The following WNT7A variants were observed in gnomAD, a reference collection of about 807,000 sequenced individuals.
WNT7A encodes Wnt family member 7A, also known as protein Wnt-7a.
A neutral mutation model predicts 28.2 loss-of-function variants in WNT7A; 16 were observed. The ratio of observed to expected loss-of-function variants is 0.57; its 90% CI spans 0.38 to 0.86. The LOEUF (loss-of-function observed/expected upper bound fraction) is 0.86, where lower values mean the gene tolerates loss of function less well. Ranked by LOEUF, WNT7A falls within the 40% of genes least tolerant of loss-of-function variation. The pLI is 0.00. For missense variants in WNT7A, 411 were observed against 489.7 expected, an observed-to-expected ratio of 0.84 and a Z score of 1.52; for synonymous variants, 190 against 195.9, an observed-to-expected ratio of 0.97 and a Z score of 0.25.
At position 13,837,598 on chromosome 3, in the gene WNT7A, C is replaced by A. The variant is rs140984408; in HGVS notation, c.570+16934G>T. The stretch of plus-strand genomic sequence containing the variant: ...CACCTTTGCTCAGGAGTCTAGATAG[C>A]CATTCTTTCATGGTGGGTTATTGTA... On this transcript the variant is annotated intron_variant, in intron 3 of 3. Coordinates refer to ENST00000285018, the MANE Select transcript of WNT7A (RefSeq NM_004625.4). Among the ~76,000 whole-genome samples, 26 of 152,196 alleles carry A rather than the reference C, an allele frequency of 1.7e-4. No individual in the cohort carries two copies. In the East Asian group the frequency reaches 4.8e-3, roughly 28 times the overall value.
At chr3:13,839,255 C>T (rs1694419607) in intron 3 of WNT7A, among the ~76,000 whole-genome samples, 2 of 152,178 alleles carry the variant, frequency 1.3e-5, no homozygotes, top group Admixed American at 1.3e-4. Flanking sequence ...AGGCCCTGCC[C>T]CAGACCCACA....
chr3:13,868,584 G>GAAAGAAAGAA (rs1442491237), intron 2 of WNT7A, among the ~76,000 whole-genome samples: 1 of 17,962 alleles, frequency 5.6e-5, no homozygotes, highest in African/African-American at 3.1e-4. Flanking sequence ...GAGAGAGAGA[G>GAAAGAAAGAA]AGAGAGGGAG....
chr3:13,846,212 T>C (rs79900044), intron 3 of WNT7A, among the ~76,000 whole-genome samples: 3,713 of 152,292 alleles, frequency 0.024, 158 homozygotes, highest in African/African-American at 0.084. Flanking sequence ...AATGACCACA[T>C]AGTGGGGCCT....
At chr3:13,820,208 C>T (rs575556992) in intron 3 of WNT7A, among the ~76,000 whole-genome samples, 1 of 152,288 alleles carries the variant, frequency 6.6e-6, no homozygotes, top group East Asian at 1.9e-4. Context: ...GTTGCTGGTT[C>T]ACCATGTGTG....
chr3:13,857,680 C>A (rs1420058215), intron 2 of WNT7A, among the ~76,000 whole-genome samples: 2 of 152,110 alleles, frequency 1.3e-5, no homozygotes, highest in Non-Finnish European at 2.9e-5. Context: ...CAACCCCAGG[C>A]ACCAGCTCAC....
At chr3:13,876,640 C>T (rs1395488426) in intron 1 of WNT7A, among the ~76,000 whole-genome samples, 3 of 152,076 alleles carry the variant, frequency 2.0e-5, no homozygotes, top group Non-Finnish European at 4.4e-5. Flanking sequence ...TGACATGGAC[C>T]CATGCCCTCC....
At chr3:13,839,349 G>C (rs375237975) in intron 3 of WNT7A, among the ~76,000 whole-genome samples, 23 of 152,376 alleles carry the variant, frequency 1.5e-4, no homozygotes, top group African/African-American at 4.6e-4. Flanking sequence ...GGGTCTCAGA[G>C]GGGAGCCCAG....
chr3:13,827,789 G>A (rs888308200), intron 3 of WNT7A, among the ~76,000 whole-genome samples: 1 of 152,138 alleles, frequency 6.6e-6, no homozygotes, highest in East Asian at 1.9e-4. Flanking sequence ...GCTTCCCAGC[G>A]TTGAACACAC....
intron 1 of WNT7A, among the ~76,000 whole-genome samples, chr3:13,878,897 G>A (rs2124882780): frequency 6.6e-6 from 1 of 152,214 alleles, no homozygotes; most frequent in East Asian, 1.9e-4. Flanking sequence ...GCAGCTCCAG[G>A]ACGCGTCCCG....
At chr3:13,848,061 A>AT (rs1195045650) in intron 3 of WNT7A, among the ~76,000 whole-genome samples, 1 of 139,950 alleles carries the variant, frequency 7.1e-6, no homozygotes. Context: ...AAATTAATGA[A>AT]TTTTTTAAAA....
intron 2 of WNT7A, among the ~76,000 whole-genome samples, chr3:13,873,991 T>C (rs557783883): frequency 2.4e-4 from 36 of 152,198 alleles, no homozygotes; most frequent in Non-Finnish European, 4.7e-4. Context: ...CTGATTTCCA[T>C]GTAAAAGGAT....
At chr3:13,851,004 TC>T (rs1694627905) in intron 3 of WNT7A, among the ~76,000 whole-genome samples, 1 of 151,856 alleles carries the variant, frequency 6.6e-6, no homozygotes, top group Admixed American at 6.6e-5. Context: ...CCTTTAACCC[TC>T]CCATCGGGCA....
In WNT7A at chr3:13,850,473, G is replaced by A. The variant is rs183634913; in HGVS notation, c.570+4059C>T. ...GGGCAGGGCAGGAAGGGACAAGACC[G>A]ACACCCCTCCGTGTGCAAGAGGCTG... On this transcript the variant is annotated intron_variant, in intron 3 of 3. Transcript: ENST00000285018. 2.0e-5 allele frequency among the ~76,000 whole-genome samples: 3 copies of A among 152,272 alleles called. No homozygotes were observed. The East Asian group carries it at 5.8e-4, about 29-fold the overall frequency.
rs1694023280 is a variant in WNT7A at position 13,817,438 on chromosome 3, ACACAC to A, written c.*1501_*1505del. On this transcript the variant is annotated 3_prime_UTR_variant, in exon 4 of 4. Transcript: ENST00000285018. ...GAAGATACAGTACACACACACACACACACACACACACACACACACACACACACACA... is the reference window on the plus strand; with the variant it reads ...GAAGATACAGTACACACACACACACAACACACACACACACACACACACACA... 1 of 85,222 alleles carries A rather than the reference ACACAC, an allele frequency of 1.2e-5. No homozygotes were observed. The highest frequency in any genetic ancestry group is 2.3e-5 in the Non-Finnish European group (1 of 44,130). The allele number at this position is 85,222 out of a possible 1,614,324, so 5.3% of individuals were successfully genotyped here. A position where few individuals can be genotyped will look rare whatever the true frequency, so the allele number is the denominator to read the frequency against.
At chr3:13,865,805 T>C (rs1694902057) in intron 2 of WNT7A, among the ~76,000 whole-genome samples, 1 of 152,114 alleles carries the variant, frequency 6.6e-6, no homozygotes, top group Admixed American at 6.5e-5. Flanking sequence ...CCAGGACACA[T>C]GCTGGCGGTC....
At chr3:13,868,871 AGAGGGAGAGAAGGAAG>A (rs1297062954) in intron 2 of WNT7A, among the ~76,000 whole-genome samples, 8 of 145,960 alleles carry the variant, frequency 5.5e-5, no homozygotes, top group African/African-American at 7.7e-5. Flanking sequence ...AGAAAGAGAC[AGAGGGAGAGAAGGAAG>A]GAGGGAGGGA....
intron 3 of WNT7A, among the ~76,000 whole-genome samples, chr3:13,822,418 A>G (rs1009890075): frequency 6.6e-6 from 1 of 152,242 alleles, no homozygotes; most frequent in Non-Finnish European, 1.5e-5. Flanking sequence ...ACGCTACAAC[A>G]TGGATGAGCC....
chr3:13,823,428 G>A (rs953345092), intron 3 of WNT7A, among the ~76,000 whole-genome samples: 5 of 152,166 alleles, frequency 3.3e-5, no homozygotes, highest in Non-Finnish European at 7.3e-5. Flanking sequence ...CACTCCACAA[G>A]CAGTATGCCC....
At position 13,874,988 on chromosome 3, in the gene WNT7A, G is replaced by A; in HGVS notation, c.257C>T (p.Ala86Val). ...QFRNGRWNCS[A>V]LGERTVFGKE... is the part of the protein sequence containing the mutation. The stretch of plus-strand genomic sequence containing the variant: ...CCCGAAGACGGTGCGCTCTCCCAGT[G>A]CAGAGCAGTTCCAGCGGCCATTGCG... Residue 86 changes from alanine to valine, a missense_variant, in exon 2 of 4, where the codon GCA (alanine) becomes GTA (valine). Ala to Val is a moderately conservative substitution (Grantham distance 64, BLOSUM62 0). Transcript: ENST00000285018. 2 of 1,614,206 alleles carry A rather than the reference G, an allele frequency of 1.2e-6. No individual in the cohort carries two copies. The highest frequency in any genetic ancestry group is 1.7e-6 in the Non-Finnish European group (2 of 1,180,050).
Sources: gnomAD v4.1 joint callset for allele counts (sites outside exome capture counted in the v4.1 genomes callset) on GRCh38, gnomAD v4.1.1 for gene constraint, MANE v1.5 for transcripts, NCBI Gene and HGNC (gene_info 2026-07-23, HGNC 2026-07-21) for gene names.